WDFY2: variants seen among roughly 807,000 people sequenced by gnomAD.
WDFY2 encodes the protein WD repeat and FYVE domain-containing protein 2.
Under a neutral mutation model 56.4 loss-of-function variants are expected in WDFY2, and 36 were observed. The ratio of observed to expected loss-of-function variants is 0.64; its 90% CI spans 0.49 to 0.84. WDFY2 has a LOEUF of 0.84. Among genes scored for constraint, WDFY2 ranks in the 40% least tolerant of loss-of-function variants. The pLI, the probability that WDFY2 is intolerant of heterozygous loss-of-function variation, is 0.00. For missense variants in WDFY2, 444 were observed against 512.2 expected (o/e 0.87, Z 1.29); for synonymous variants, 176 against 183.7 (o/e 0.96, Z 0.34).
At chr13:51,598,125 T>C (rs182296403) in intron 1 of WDFY2, among the ~76,000 whole-genome samples, 3,180 of 152,172 alleles carry the variant, frequency 0.021, 115 homozygotes, top group African/African-American at 0.072. Flanking sequence ...TTTGGGAGGC[T>C]GAGGTGGGCA....
intron 3 of WDFY2, among the ~76,000 whole-genome samples, chr13:51,701,206 A>G (rs1046145448): frequency 1.3e-5 from 2 of 152,108 alleles, no homozygotes; most frequent in African/African-American, 2.4e-5. Flanking sequence ...TTAGAGTAGT[A>G]TATTGTGTTT....
intron 1 of WDFY2, among the ~76,000 whole-genome samples, chr13:51,656,344 C>T (rs372865400): frequency 7.9e-5 from 12 of 151,950 alleles, no homozygotes; most frequent in South Asian, 6.2e-4. Flanking sequence ...TTCCTTTATA[C>T]GTGGAGAAGA....
At chr13:51,636,968 A>C (rs1187742430) in intron 1 of WDFY2, among the ~76,000 whole-genome samples, 1 of 152,262 alleles carries the variant, frequency 6.6e-6, no homozygotes, top group African/African-American at 2.4e-5. Flanking sequence ...CTTAAATGTA[A>C]AACCTCAAAT....
At chr13:51,692,653 C>A (rs887324708) in intron 3 of WDFY2, among the ~76,000 whole-genome samples, 3 of 152,130 alleles carry the variant, frequency 2.0e-5, no homozygotes, top group Admixed American at 2.0e-4. Context: ...GTCTAAAATT[C>A]TCTTTTTTGG....
chr13:51,736,216 A>G (rs996017910), intron 6 of WDFY2, among the ~76,000 whole-genome samples: 13 of 152,286 alleles, frequency 8.5e-5, no homozygotes, highest in Admixed American at 5.9e-4. Context: ...GTGTTTATAT[A>G]TATTAACCCA....
chr13:51,707,035 G>A (rs537260507), intron 4 of WDFY2, among the ~76,000 whole-genome samples: 3 of 152,170 alleles, frequency 2.0e-5, no homozygotes, highest in Non-Finnish European at 4.4e-5. Flanking sequence ...GAACCAAATA[G>A]AACTTTTAGA....
intron 1 of WDFY2, among the ~76,000 whole-genome samples, chr13:51,642,271 C>G (rs993222928): frequency 6.6e-6 from 1 of 151,456 alleles, no homozygotes; most frequent in African/African-American, 2.4e-5. Context: ...TTTATTTGAC[C>G]CTTGAGATTT....
chr13:51,751,149 C>G (rs117459398), intron 7 of WDFY2, among the ~76,000 whole-genome samples, 161 bp from the exon 8 acceptor site: 1 of 152,124 alleles, frequency 6.6e-6, no homozygotes, highest in African/African-American at 2.4e-5. Context: ...ATCCTGGATA[C>G]TCTTCTGACC....
intron 4 of WDFY2, among the ~76,000 whole-genome samples, chr13:51,711,895 A>T (rs1464359981): frequency 1.3e-5 from 2 of 152,212 alleles, no homozygotes; most frequent in South Asian, 2.1e-4. Flanking sequence ...TTCCTCAAGG[A>T]TCTAGAACTA....
intron 6 of WDFY2, among the ~76,000 whole-genome samples, chr13:51,735,171 C>T (rs1952808042): frequency 6.6e-6 from 1 of 152,214 alleles, no homozygotes; most frequent in Non-Finnish European, 1.5e-5. Context: ...TCTTGCACAG[C>T]CTTCCCACCA....
chr13:51,671,178 G>C (rs374024351), intron 2 of WDFY2, among the ~76,000 whole-genome samples: 2 of 151,826 alleles, frequency 1.3e-5, no homozygotes, highest in Non-Finnish European at 2.9e-5. Flanking sequence ...ATAAACATGC[G>C]TGTGTGAGTA....
In WDFY2 at chr13:51,766,957, AG is replaced by A. The variant is rs1366241173; in HGVS notation, c.*7189del. ...AGGGAGAGCTGCTGTTTGGAGGTGA[AG>A]ATGAGCCCTGTTCACCACAGTCTAA... On this transcript the variant is annotated 3_prime_UTR_variant, in exon 12 of 12. Transcript: ENST00000298125. 6.6e-6 allele frequency: 1 copy of A among 152,318 alleles called. No individual in the cohort carries two copies. The highest frequency in any genetic ancestry group is 1.5e-5 in the Non-Finnish European group (1 of 68,108). The allele number at this position is 152,318 out of a possible 1,614,324, so 9.4% of individuals were successfully genotyped here.
At position 51,761,115 on chromosome 13, in the gene WDFY2, GTTT is replaced by G. The variant is rs1953568847; in HGVS notation, c.*1347_*1349del. 6.6e-6 allele frequency: 1 copy of G among 152,162 alleles called. No homozygotes were observed. Among genetic ancestry groups the G allele is most frequent in the African/African-American group, 2.4e-5 (1 of 41,436 alleles). 9.4% of individuals were successfully genotyped at this position (152,162 alleles called of 1,614,324 possible). On this transcript the variant is annotated 3_prime_UTR_variant, in exon 12 of 12. Coordinates refer to ENST00000298125, the MANE Select transcript of WDFY2 (RefSeq NM_052950.4). ...ATATTTAAACATTTTATCCTAATGT[GTTT>G]CATCAGAACACTTTGCACACTTTCT...
intron 4 of WDFY2, among the ~76,000 whole-genome samples, chr13:51,710,718 A>G (rs1952194134): frequency 1.3e-5 from 2 of 152,220 alleles, no homozygotes; most frequent in Admixed American, 1.3e-4. Flanking sequence ...ATACCTAGGA[A>G]TCCAACTTAC....
chr13:51,599,516 ACTAAT>A (rs1318476205), intron 1 of WDFY2: 8 of 153,792 alleles, frequency 5.2e-5, no homozygotes, highest in African/African-American at 1.9e-4. Flanking sequence ...CTAAATGGAA[ACTAAT>A]CTATGTAACA....
chr13:51,684,942 A>C (rs910302945), intron 3 of WDFY2, among the ~76,000 whole-genome samples: 9 of 151,682 alleles, frequency 5.9e-5, no homozygotes, highest in Non-Finnish European at 4.4e-5. Context: ...CTGTGTATAG[A>C]CTCTCAATCA....
chr13:51,693,964 T>C (rs1486757608), intron 3 of WDFY2, among the ~76,000 whole-genome samples: 2 of 151,870 alleles, frequency 1.3e-5, no homozygotes, highest in Non-Finnish European at 2.9e-5. Flanking sequence ...TTTTGATCTT[T>C]GTTGGTTTAA....
chr13:51,736,475 C>T (rs1011807801), intron 6 of WDFY2, among the ~76,000 whole-genome samples: 3 of 152,102 alleles, frequency 2.0e-5, no homozygotes, highest in Non-Finnish European at 1.5e-5. Context: ...AGAGCTGGCT[C>T]CTCATGGTGC....
At position 51,584,522 on chromosome 13, in the gene WDFY2, G is replaced by A; in HGVS notation, c.-166G>A. Reference sequence around the variant, plus strand: ...TTTTGGTGCCTGAAGCAGGGAGCGCGGAGTCGTTCCCGAGAGAGGCGGCCA... The same window carrying A: ...TTTTGGTGCCTGAAGCAGGGAGCGCAGAGTCGTTCCCGAGAGAGGCGGCCA... On this transcript the variant is annotated 5_prime_UTR_variant, in exon 1 of 12. Transcript: ENST00000298125. 1 of 924,820 alleles carries A rather than the reference G, an allele frequency of 1.1e-6. No individual in the cohort carries two copies. Among genetic ancestry groups the A allele is most frequent in the South Asian group, 1.9e-5 (1 of 52,812 alleles). 57.3% of individuals were successfully genotyped at this position (924,820 alleles called of 1,614,324 possible).
Sources: gnomAD v4.1 joint callset for allele counts (sites outside exome capture counted in the v4.1 genomes callset) on GRCh38, gnomAD v4.1.1 for gene constraint, MANE v1.5 for transcripts, NCBI Gene and HGNC (gene_info 2026-07-23, HGNC 2026-07-21) for gene names.